Variants in YTHDF2 observed in about 807,000 individuals in gnomAD.
The protein encoded by YTHDF2 is YTH N6-methyladenosine RNA binding protein F2.
Under a neutral mutation model 50.4 loss-of-function variants are expected in YTHDF2, and 2 were observed. The observed-to-expected ratio is 0.04, with a 90% CI of 0.02 to 0.12. YTHDF2 has a LOEUF of 0.12. Among genes scored for constraint, YTHDF2 ranks in the 10% least tolerant of loss-of-function variants. YTHDF2 has a pLI of 1.00. For synonymous variants in YTHDF2, 217 were observed against 255.6 expected, an observed-to-expected ratio of 0.85 and a Z score of 1.44; for missense variants, 483 against 722.6, an observed-to-expected ratio of 0.67 and a Z score of 3.80.
Position 28,738,279 on chromosome 1 carries a change from C to G in YTHDF2, c.73C>G (p.Gln25Glu), listed in dbSNP as rs559418301. 29 of 1,613,958 alleles carry G rather than the reference C, an allele frequency of 1.8e-5. No homozygotes were observed. In the South Asian group the frequency reaches 3.1e-4, roughly 17 times the overall value. The change falls in exon 3 of 5, where the codon CAA becomes GAA. Residue 25 changes from glutamine (Q) to glutamate (E), a missense_variant. By Grantham distance (29) the Gln-to-Glu change is conservative (BLOSUM62 2). Transcript: ENST00000373812. ...TTTAGTACAAAATGGATCTGTACAT[C>G]AAAAGGATGGATTAAACGATGATGA... ...GNKVQNGSVH[Q>E]KDGLNDDDFE...
rs529589401 is a variant in YTHDF2, at chr1:28,766,205, A to G, written c.1717-2724A>G. ...CTGCTGCCTTCATCTCCCCGGGCTT[A>G]AGTGATTTCCCAGGTTGCTGGGACT... On this transcript the variant is annotated intron_variant, in intron 4 of 4. Coordinates refer to ENST00000373812, the MANE Select transcript of YTHDF2 (RefSeq NM_016258.3). 8.5e-5 allele frequency among the ~76,000 whole-genome samples: 13 copies of G among 152,250 alleles called. No homozygotes were observed. The South Asian group carries it at 2.3e-3, about 27-fold the overall frequency.
At chr1:28,746,780 A>C (rs10915193) in intron 4 of YTHDF2, among the ~76,000 whole-genome samples, 1 of 151,156 alleles carries the variant, frequency 6.6e-6, no homozygotes, top group Non-Finnish European at 1.5e-5. Context: ...TAGCAAATTT[A>C]GGTTTTGTTA....
intron 4 of YTHDF2, among the ~76,000 whole-genome samples, chr1:28,747,417 A>G (rs1396211550): frequency 2.0e-5 from 3 of 151,564 alleles, no homozygotes; most frequent in African/African-American, 7.3e-5. Flanking sequence ...TAAAAATACA[A>G]AAATTAGCTG....
chr1:28,751,972 CTATCT>C (rs1037245662), intron 4 of YTHDF2, among the ~76,000 whole-genome samples: 5 of 152,146 alleles, frequency 3.3e-5, no homozygotes, highest in Non-Finnish European at 7.3e-5. Context: ...AGAAGCTTAG[CTATCT>C]TATCTAACAC....
intron 2 of YTHDF2, 35 bp from the exon 3 acceptor site, chr1:28,738,224 T>G: frequency 6.6e-7 from 1 of 1,511,562 alleles, no homozygotes; most frequent in Non-Finnish European, 9.2e-7. Context: ...GATTGTAGGA[T>G]TGGGACACTC....
At chr1:28,766,607 G>C (rs1268187419) in intron 4 of YTHDF2, among the ~76,000 whole-genome samples, 1 of 151,910 alleles carries the variant, frequency 6.6e-6, no homozygotes, top group Non-Finnish European at 1.5e-5. Flanking sequence ...TTAATACGTG[G>C]GAAAATAGTT....
intron 4 of YTHDF2, among the ~76,000 whole-genome samples, chr1:28,765,939 G>A (rs991107832): frequency 6.6e-6 from 1 of 152,190 alleles, no homozygotes; most frequent in African/African-American, 2.4e-5. Flanking sequence ...TAACCACAGT[G>A]CATTTATCAA....
intron 4 of YTHDF2, among the ~76,000 whole-genome samples, chr1:28,754,295 A>G (rs1196779809): frequency 6.6e-6 from 1 of 152,210 alleles, no homozygotes; most frequent in East Asian, 1.9e-4. Flanking sequence ...TGGGAGGCCA[A>G]GGTTGGCAGG....
chr1:28,750,984 T>C (rs2124183859), intron 4 of YTHDF2, among the ~76,000 whole-genome samples: 1 of 150,034 alleles, frequency 6.7e-6, no homozygotes, highest in Admixed American at 6.7e-5. Context: ...TACCAGCTAG[T>C]TAGGAGGCTG....
intron 4 of YTHDF2, among the ~76,000 whole-genome samples, chr1:28,753,358 CA>C (rs34047138): frequency 0.012 from 202 of 16,942 alleles, 80 homozygotes; most frequent in Admixed American, 0.012. Flanking sequence ...CCTGCCTCTC[CA>C]AAAAAAAAAA....
At chr1:28,748,461 C>G (rs1218427417) in intron 4 of YTHDF2, among the ~76,000 whole-genome samples, 2 of 152,168 alleles carry the variant, frequency 1.3e-5, no homozygotes, top group African/African-American at 2.4e-5. Flanking sequence ...TAGGGAAGTA[C>G]TTAAACTTCA....
intron 2 of YTHDF2, 49 bp from the exon 3 acceptor site, chr1:28,738,210 G>A: frequency 1.4e-6 from 2 of 1,459,342 alleles, no homozygotes; most frequent in Non-Finnish European, 1.9e-6. Flanking sequence ...TAATTTGAAA[G>A]GAAGATTGTA....
chr1:28,758,654 A>G (rs570010357), intron 4 of YTHDF2, among the ~76,000 whole-genome samples: 1 of 152,380 alleles, frequency 6.6e-6, no homozygotes, highest in East Asian at 1.9e-4. Context: ...ACAGGTTATC[A>G]TAAGTAGGAC....
intron 4 of YTHDF2, among the ~76,000 whole-genome samples, chr1:28,752,928 A>G (rs1332525916): frequency 1.3e-5 from 2 of 151,864 alleles, no homozygotes; most frequent in African/African-American, 2.4e-5. Flanking sequence ...TAACTAAAGT[A>G]TAGCTACTCA....
chr1:28,769,495 T>G lies in YTHDF2; in HGVS notation c.*543T>G, dbSNP rs1476520814. 1.3e-5 allele frequency: 2 copies of G among 152,832 alleles called. No homozygotes were observed. The highest frequency in any genetic ancestry group is 6.5e-5 in the Admixed American group (1 of 15,296). The allele number at this position is 152,832 out of a possible 1,614,324, so 9.5% of individuals were successfully genotyped here. On this transcript the variant is annotated 3_prime_UTR_variant, in exon 5 of 5. Coordinates refer to ENST00000373812, the MANE Select transcript of YTHDF2 (RefSeq NM_016258.3). ...CCAAGGTTGTGTCTTTAAGGGTGGT[T>G]CATTTTCTCTGACCTTTTGTTACTC...
intron 3 of YTHDF2, among the ~76,000 whole-genome samples, chr1:28,741,497 T>G (rs2087775642): frequency 6.6e-6 from 1 of 151,848 alleles, no homozygotes; most frequent in Non-Finnish European, 1.5e-5. Flanking sequence ...CTGGGTTTTA[T>G]CATGTTGGCC....
At chr1:28,740,263 G>A (rs1463783034) in intron 3 of YTHDF2, 3 of 152,154 alleles carry the variant, frequency 2.0e-5, no homozygotes, top group African/African-American at 7.2e-5. Flanking sequence ...CATAATTCTA[G>A]GTAGTTCTTG....
rs144330934 is a variant in YTHDF2 at position 28,760,038 on chromosome 1, C to T, written c.1717-8891C>T. 2.9e-3 allele frequency among the ~76,000 whole-genome samples: 435 copies of T among 152,238 alleles called. 3 individuals are homozygous for T. The highest frequency in any genetic ancestry group is 0.01 in the African/African-American group (419 of 41,546). ...ACACATTAGCCTAGACCTACACAGG[C>T]TCAGGATCATCAGTATCAGTGTCTT... On this transcript the variant is annotated intron_variant, in intron 4 of 4. Transcript: ENST00000373812.
chr1:28,758,140 T>A (rs1272920476), intron 4 of YTHDF2, among the ~76,000 whole-genome samples: 1 of 152,064 alleles, frequency 6.6e-6, no homozygotes, highest in Non-Finnish European at 1.5e-5. Flanking sequence ...GTGTGGTGGT[T>A]TACACCTGTA....
Sources: gnomAD v4.1 joint callset for allele counts (sites outside exome capture counted in the v4.1 genomes callset) on GRCh38, gnomAD v4.1.1 for gene constraint, MANE v1.5 for transcripts, NCBI Gene and HGNC (gene_info 2026-07-23, HGNC 2026-07-21) for gene names.